The following KLF12 variants were observed in gnomAD, a reference collection of about 807,000 sequenced individuals.
The protein encoded by KLF12 is KLF transcription factor 12.
KLF12 carries 9 observed loss-of-function variants against 37.8 expected under a neutral mutation model. That is an observed-to-expected ratio of 0.24 (90% confidence interval 0.14 to 0.42). The LOEUF is 0.42. KLF12 is among the 10% of genes least tolerant of loss of function. The pLI is 1.00. For missense variants in KLF12, 411 were observed against 516.0 expected, an observed-to-expected ratio of 0.80 and a Z score of 1.97; for synonymous variants, 208 against 202.1, an observed-to-expected ratio of 1.03 and a Z score of -0.25.
At chr13:74,189,904 G>C in the KLF12 span, among the ~76,000 whole-genome samples, 1 of 151,396 alleles carries the variant, frequency 6.6e-6, no homozygotes, top group African/African-American at 2.4e-5. Flanking sequence ...TTAATGTTTC[G>C]ACTAGTCGAA....
chr13:74,174,247 G>T, the KLF12 span, among the ~76,000 whole-genome samples: 3 of 151,874 alleles, frequency 2.0e-5, no homozygotes, highest in Non-Finnish European at 4.4e-5. Flanking sequence ...CTTGTCTATT[G>T]GCTCAAATTT....
chr13:74,165,827 C>A, the KLF12 span, among the ~76,000 whole-genome samples: 5,009 of 152,232 alleles, frequency 0.033, 185 homozygotes, highest in African/African-American at 0.086. Flanking sequence ...TTATGAATGG[C>A]CTAGACCAAT....
chr13:73,763,860 G>C (rs1242251685), intron 6 of KLF12, among the ~76,000 whole-genome samples: 1 of 152,088 alleles, frequency 6.6e-6, no homozygotes, highest in East Asian at 1.9e-4. Flanking sequence ...TCTGAGGCAA[G>C]GTGTAAGCAA....
At position 73,996,089 on chromosome 13, in the gene KLF12, C is replaced by A. The variant is rs143047002; in HGVS notation, c.-31-1036G>T. 2.0e-5 allele frequency among the ~76,000 whole-genome samples: 3 copies of A among 152,318 alleles called. No individual in the cohort carries two copies. The East Asian group carries it at 5.8e-4, about 29-fold the overall frequency. ...CTTAAATGAAATGCAGCAGAGTTCA[C>A]AAGCTCCATAGGCTTGACCAGTGAA... On this transcript the variant is annotated intron_variant, in intron 1 of 7. Transcript: ENST00000377669.
chr13:73,846,967 T>C (rs1337570011), intron 3 of KLF12, among the ~76,000 whole-genome samples: 1 of 152,206 alleles, frequency 6.6e-6, no homozygotes, highest in African/African-American at 2.4e-5. Flanking sequence ...GAAAAACTTA[T>C]CCTGAAAATT....
intron 4 of KLF12, among the ~76,000 whole-genome samples, chr13:73,815,235 A>G (rs1288162786): frequency 6.6e-6 from 1 of 152,200 alleles, no homozygotes; most frequent in African/African-American, 2.4e-5. Flanking sequence ...TGTAGGGCAA[A>G]GCAACCAGTT....
the KLF12 span, among the ~76,000 whole-genome samples, chr13:74,287,383 A>AGAGAGAGAGAGAGAGAGAGAGAGG: frequency 6.6e-6 from 1 of 151,748 alleles, no homozygotes; most frequent in Non-Finnish European, 1.5e-5. Flanking sequence ...AGAGAGAGAG[A>AGAGAGAGAGAGAGAGAGAGAGAGG]GAGAGAGAGA....
At chr13:74,278,601 CCT>C in the KLF12 span, among the ~76,000 whole-genome samples, 2 of 152,130 alleles carry the variant, frequency 1.3e-5, no homozygotes, top group Admixed American at 6.5e-5. Flanking sequence ...TTAAAAACCC[CCT>C]CTTTTGACTT....
the KLF12 span, among the ~76,000 whole-genome samples, chr13:74,156,010 A>T: frequency 1.3e-5 from 2 of 152,140 alleles, no homozygotes; most frequent in Non-Finnish European, 2.9e-5. Flanking sequence ...GTCTTGGTCC[A>T]CTGTTGGTTG....
At chr13:74,114,386 T>G (rs897775384) in intron 1 of KLF12, among the ~76,000 whole-genome samples, 14 of 152,222 alleles carry the variant, frequency 9.2e-5, no homozygotes, top group Non-Finnish European at 1.5e-5. Flanking sequence ...GTCATTATAA[T>G]GTAAACATAA....
chr13:74,070,343 C>T (rs1440847277), intron 1 of KLF12, among the ~76,000 whole-genome samples: 1 of 152,172 alleles, frequency 6.6e-6, no homozygotes, highest in Non-Finnish European at 1.5e-5. Context: ...GACAGAGCTT[C>T]GCAGCAGGTG....
chr13:73,900,931 C>A (rs1594230349), intron 3 of KLF12, among the ~76,000 whole-genome samples: 1 of 152,140 alleles, frequency 6.6e-6, no homozygotes, highest in East Asian at 1.9e-4. Flanking sequence ...GTTTTAAAAC[C>A]AGAAGATAAA....
chr13:73,803,399 C>A (rs1473310360), intron 5 of KLF12, among the ~76,000 whole-genome samples: 1 of 152,090 alleles, frequency 6.6e-6, no homozygotes, highest in Non-Finnish European at 1.5e-5. Flanking sequence ...GACCTCCTAC[C>A]CTTTCAAGTC....
chr13:74,127,956 A>G (rs945620493), intron 1 of KLF12, among the ~76,000 whole-genome samples: 1 of 152,200 alleles, frequency 6.6e-6, no homozygotes, highest in African/African-American at 2.4e-5. Context: ...TATTTTTAAA[A>G]TTAAGGGCAT....
At chr13:74,172,129 T>G in the KLF12 span, among the ~76,000 whole-genome samples, 3 of 81,236 alleles carry the variant, frequency 3.7e-5, no homozygotes, top group Non-Finnish European at 5.5e-5. Flanking sequence ...CAATCCAAAT[T>G]TATTTTCCTC....
intron 2 of KLF12, among the ~76,000 whole-genome samples, chr13:73,966,985 T>C (rs1891186571): frequency 6.6e-6 from 1 of 152,208 alleles, no homozygotes; most frequent in Non-Finnish European, 1.5e-5. Context: ...ATCTTATAAA[T>C]AGTAACCAAA....
At chr13:73,804,087 G>A (rs1405307105) in intron 5 of KLF12, among the ~76,000 whole-genome samples, 2 of 152,090 alleles carry the variant, frequency 1.3e-5, no homozygotes, top group Non-Finnish European at 2.9e-5. Context: ...CCAAGCAGCT[G>A]CATCTCCCAT....
chr13:74,186,109 T>C, the KLF12 span, among the ~76,000 whole-genome samples: 25 of 152,168 alleles, frequency 1.6e-4, no homozygotes, highest in Non-Finnish European at 3.2e-4. Context: ...TGCATGATCA[T>C]ATACCAATTG....
intron 3 of KLF12, among the ~76,000 whole-genome samples, chr13:73,853,749 A>T (rs1885458897): frequency 6.6e-6 from 1 of 152,166 alleles, no homozygotes; most frequent in African/African-American, 2.4e-5. Context: ...AAAAAAAAAA[A>T]AAAATGGTAA....
Sources: allele counts gnomAD v4.1 joint callset (sites outside exome capture counted in the v4.1 genomes callset), GRCh38; gene constraint gnomAD v4.1.1; transcripts MANE v1.5; gene names NCBI Gene and HGNC (gene_info 2026-07-23, HGNC 2026-07-21).